Variants in PIK3CA observed in about 807,000 individuals in gnomAD.
The protein encoded by PIK3CA is phosphatidylinositol-4,5-bisphosphate 3-kinase catalytic subunit alpha.
PIK3CA carries 27 observed loss-of-function variants against 138.2 expected under a neutral mutation model. That is an observed-to-expected ratio of 0.20 (90% CI 0.14 to 0.27). PIK3CA has a LOEUF of 0.27. PIK3CA is among the 10% of genes least tolerant of loss of function. The pLI, the probability that PIK3CA is intolerant of heterozygous loss-of-function variation, is 1.00. For missense variants in PIK3CA, 544 were observed against 1,277.4 expected, an observed-to-expected ratio of 0.43 and a Z score of 8.75; for synonymous variants, 358 against 413.2, an observed-to-expected ratio of 0.87 and a Z score of 1.62.
intron 1 of PIK3CA, among the ~76,000 whole-genome samples, chr3:179,161,590 G>A (rs900276974): frequency 2.0e-5 from 3 of 152,148 alleles, no homozygotes; most frequent in African/African-American, 2.4e-5. Flanking sequence ...CCCAGCTATC[G>A]GGAGGCTTAG....
chr3:179,212,291 A>G (rs1724733581), intron 9 of PIK3CA, among the ~76,000 whole-genome samples: 1 of 142,318 alleles, frequency 7.0e-6, no homozygotes. Context: ...TACAGGCGTG[A>G]GCCACCGCGC....
intron 20 of PIK3CA, among the ~76,000 whole-genome samples, chr3:179,231,013 ATCAC>A (rs1725198572): frequency 6.6e-6 from 1 of 152,058 alleles, no homozygotes; most frequent in African/African-American, 2.4e-5. Context: ...AGTCCATTAT[ATCAC>A]TCTGTATGCC....
At chr3:179,177,879 A>T (rs574048189) in intron 1 of PIK3CA, among the ~76,000 whole-genome samples, 20 of 152,068 alleles carry the variant, frequency 1.3e-4, no homozygotes, top group Non-Finnish European at 2.4e-4. Context: ...CAAGCCACAG[A>T]ATGAGTTAAA....
In PIK3CA at chr3:179,218,257, A is replaced by G. The variant is rs1366386478; in HGVS notation, c.1587A>G (p.Glu529=). The G allele has an allele frequency of 1.9e-6, 3 of 1,610,794 alleles. No homozygotes were observed. The highest frequency in any genetic ancestry group is 3.3e-5 in the Admixed American group (2 of 59,764). ...RDNELRENDK[E]QLKAISTRDP... ...ATGAATTAAGGGAAAATGACAAAGA[A>G]CAGCTCAAAGCAATTTCTACACGAG... is the stretch of plus-strand genomic sequence containing the variant. Residue 529 remains glutamate (E), a synonymous_variant, in exon 10 of 21, where the codon GAA becomes GAG. Coordinates refer to ENST00000263967, the MANE Select transcript of PIK3CA (RefSeq NM_006218.4).
At chr3:179,217,163 C>A (rs1265327307) in intron 9 of PIK3CA, among the ~76,000 whole-genome samples, 1 of 152,124 alleles carries the variant, frequency 6.6e-6, no homozygotes, top group African/African-American at 2.4e-5. Context: ...GCAGTGTTTT[C>A]TCCATCTGCA....
At chr3:179,201,266 G>C (rs1724402859) in intron 3 of PIK3CA, 24 bp from the exon 4 acceptor site, 1 of 1,580,874 alleles carries the variant, frequency 6.3e-7, no homozygotes, top group Non-Finnish European at 8.6e-7. Flanking sequence ...GATGGTGATT[G>C]CATCTAATGT....
chr3:179,214,619 C>CA (rs1560143721), intron 9 of PIK3CA, among the ~76,000 whole-genome samples: 1 of 151,850 alleles, frequency 6.6e-6, no homozygotes, highest in Non-Finnish European at 1.5e-5. Flanking sequence ...GACACAGAGA[C>CA]AAAAAATGAG....
chr3:179,233,579 C>G (rs1725261214), intron 20 of PIK3CA, among the ~76,000 whole-genome samples: 1 of 152,098 alleles, frequency 6.6e-6, no homozygotes, highest in Non-Finnish European at 1.5e-5. Context: ...TTGGACTCCA[C>G]CTCTATATTG....
intron 6 of PIK3CA, among the ~76,000 whole-genome samples, chr3:179,205,097 T>G (rs1724525170): frequency 6.9e-6 from 1 of 145,724 alleles, no homozygotes; most frequent in African/African-American, 2.5e-5. Context: ...TCCCAGCCAT[T>G]AGGGAGGCTG....
chr3:179,190,101 T>G (rs766677112), intron 1 of PIK3CA, among the ~76,000 whole-genome samples: 1 of 152,184 alleles, frequency 6.6e-6, no homozygotes, highest in African/African-American at 2.4e-5. Flanking sequence ...AAATTACGCT[T>G]CTTAGCCCTC....
At chr3:179,214,026 G>C (rs562357626) in intron 9 of PIK3CA, among the ~76,000 whole-genome samples, 1 of 152,238 alleles carries the variant, frequency 6.6e-6, no homozygotes, top group South Asian at 2.1e-4. Flanking sequence ...AAAGAGTTAC[G>C]GCCTTGCTCT....
At position 179,221,127 on chromosome 3, in the gene PIK3CA, C is replaced by T. The variant is rs2108413818; in HGVS notation, c.2157C>T (p.Leu719=). The T allele has an allele frequency of 6.2e-7, 1 of 1,613,092 alleles. No homozygotes were observed. ...MEKLINLTDI[L]KQEKKDETQK... ...AGCTCATTAACTTAACTGACATTCT[C>T]AAACAGGAGAAGAAGGATGAAACAC... The change falls in exon 14 of 21, where the codon CTC becomes CTT. Residue 719 remains leucine (L), a synonymous_variant. Transcript: ENST00000263967.
intron 1 of PIK3CA, among the ~76,000 whole-genome samples, chr3:179,154,324 G>A (rs903477382): frequency 3.3e-5 from 5 of 152,058 alleles, no homozygotes; most frequent in African/African-American, 7.3e-5. Flanking sequence ...GCCTGTTGTC[G>A]GAGCAGCAGC....
At chr3:179,209,809 T>C in intron 7 of PIK3CA, 109 bp downstream of exon 7, 2 of 518,058 alleles carry the variant, frequency 3.9e-6, no homozygotes, top group Non-Finnish European at 6.6e-6. Flanking sequence ...AAGAAAATAA[T>C]AATAAACCTA....
chr3:179,231,666 A>G (rs1576948767), intron 20 of PIK3CA, among the ~76,000 whole-genome samples: 1 of 63,392 alleles, frequency 1.6e-5, no homozygotes, highest in Non-Finnish European at 2.7e-5. Context: ...TTTGAGATGG[A>G]GTCTCACTCT....
chr3:179,227,205 GTTTAAC>G (rs1298954219), intron 17 of PIK3CA, among the ~76,000 whole-genome samples: 1 of 151,948 alleles, frequency 6.6e-6, no homozygotes, highest in Non-Finnish European at 1.5e-5. Context: ...TTTATTTCAA[GTTTAAC>G]TTTAGATTAA....
At chr3:179,170,558 A>G (rs2108362007) in intron 1 of PIK3CA, among the ~76,000 whole-genome samples, 1 of 152,312 alleles carries the variant, frequency 6.6e-6, no homozygotes, top group African/African-American at 2.4e-5. Context: ...AATTTTTATC[A>G]TCAAAATAAA....
intron 14 of PIK3CA, among the ~76,000 whole-genome samples, chr3:179,222,605 T>C: frequency 6.6e-6 from 1 of 152,052 alleles, no homozygotes; most frequent in East Asian, 1.9e-4. Context: ...AAACACAGTA[T>C]CCAAAAAATG....
At chr3:179,200,906 T>G (rs1724393400) in intron 3 of PIK3CA, among the ~76,000 whole-genome samples, 1 of 152,212 alleles carries the variant, frequency 6.6e-6, no homozygotes, top group African/African-American at 2.4e-5. Context: ...CATTGGTTCT[T>G]TCTTTACTTC....
Sources: allele counts gnomAD v4.1 joint callset (sites outside exome capture counted in the v4.1 genomes callset), GRCh38; gene constraint gnomAD v4.1.1; transcripts MANE v1.5; gene names NCBI Gene and HGNC (gene_info 2026-07-23, HGNC 2026-07-21).